MAP2K5: variants seen among roughly 807,000 people sequenced by gnomAD.
MAP2K5 encodes dual specificity mitogen-activated protein kinase kinase 5.
A neutral mutation model predicts 83.1 loss-of-function variants in MAP2K5; 49 were observed. That is an observed-to-expected ratio of 0.59 (90% CI 0.47 to 0.75). The LOEUF is 0.75. Ranked by LOEUF, MAP2K5 falls within the 30% of genes least tolerant of loss-of-function variation. MAP2K5 has a pLI of 0.00. For missense variants in MAP2K5, 457 were observed against 557.5 expected (o/e 0.82, Z 1.82); for synonymous variants, 202 against 191.8 (o/e 1.05, Z -0.44).
intron 13 of MAP2K5, among the ~76,000 whole-genome samples, chr15:67,678,877 T>G (rs566463746): frequency 6.6e-6 from 1 of 151,102 alleles, no homozygotes; most frequent in African/African-American, 2.4e-5. Context: ...GGCAGGAGAA[T>G]TGCTTGCACC....
rs1013857938 is a variant in MAP2K5, at chr15:67,790,143, G to A, written c.1243-16503G>A. 4.6e-5 allele frequency among the ~76,000 whole-genome samples: 7 copies of A among 152,170 alleles called. No individual in the cohort carries two copies. The highest frequency in any genetic ancestry group is 1.7e-4 in the African/African-American group (7 of 41,440). On this transcript the variant is annotated intron_variant, in intron 21 of 21. Coordinates refer to ENST00000178640, the MANE Select transcript of MAP2K5 (RefSeq NM_145160.3). This position sits in a 1 kb window ranked among gnomAD's most constrained non-coding sequence, Gnocchi z 4.6. ...GCAGGCTTGGAAATTGCAAGGCAGA[G>A]CTGGATTGAACTTCCTTTAAAGCAG... is the stretch of plus-strand genomic sequence containing the variant.
chr15:67,748,016 A>G lies in MAP2K5; in HGVS notation c.1075-215A>G, dbSNP rs1369823711. Among the ~76,000 whole-genome samples the G allele has an allele frequency of 1.3e-5, 2 of 152,214 alleles. No individual in the cohort carries two copies. The highest frequency in any genetic ancestry group is 4.8e-5 in the African/African-American group (2 of 41,444). On this transcript the variant is annotated intron_variant, in intron 17 of 21. Coordinates refer to ENST00000178640, the MANE Select transcript of MAP2K5 (RefSeq NM_145160.3). This position sits in a 1 kb window ranked among gnomAD's most constrained non-coding sequence, Gnocchi z 4.0. Reference sequence around the variant, plus strand: ...CCTATTCTAATACAACCTGGAGGGTACTAAAAAGTGTTGTGTGAAATTAAC... The same window carrying G: ...CCTATTCTAATACAACCTGGAGGGTGCTAAAAAGTGTTGTGTGAAATTAAC...
At chr15:67,590,480 T>C (rs2085382265) in intron 6 of MAP2K5, among the ~76,000 whole-genome samples, 1 of 144,016 alleles carries the variant, frequency 6.9e-6, no homozygotes, top group Non-Finnish European at 1.5e-5. Context: ...TCTCTCTTTG[T>C]TTCTTTTTGA....
chr15:67,628,088 CG>C (rs2086368603), intron 8 of MAP2K5: 3 of 753,114 alleles, frequency 4.0e-6, no homozygotes, highest in African/African-American at 1.7e-5. Flanking sequence ...GCAAGGTGGA[CG>C]GAAGAGCTGT....
In MAP2K5 at chr15:67,801,449, A is replaced by G. The variant is rs1312407748; in HGVS notation, c.1243-5197A>G. ...GAGGATGTGCTTGGTGCTCACCCTG[A>G]GGCAGAGCAGTCCTGTGGTCCAGAG... On this transcript the variant is annotated intron_variant, in intron 21 of 21. Coordinates refer to ENST00000178640, the MANE Select transcript of MAP2K5 (RefSeq NM_145160.3). The surrounding 1 kb of genome is among the most constrained non-coding windows in gnomAD (Gnocchi z 4.8). 3.3e-5 allele frequency among the ~76,000 whole-genome samples: 5 copies of G among 152,178 alleles called. No homozygotes were observed. The East Asian group carries it at 9.6e-4, about 29-fold the overall frequency.
At chr15:67,771,250 AC>A (rs1286312646) in intron 20 of MAP2K5, among the ~76,000 whole-genome samples, 1 of 151,758 alleles carries the variant, frequency 6.6e-6, no homozygotes, top group Non-Finnish European at 1.5e-5. Flanking sequence ...TGAAACACAA[AC>A]CATGCGATTC....
chr15:67,704,179 G>A (rs1367907955), intron 16 of MAP2K5, among the ~76,000 whole-genome samples: 2 of 152,154 alleles, frequency 1.3e-5, no homozygotes, highest in African/African-American at 2.4e-5. Context: ...AATTATGGTA[G>A]TATAGAACCT....
chr15:67,709,080 T>C (rs553871015), intron 16 of MAP2K5, among the ~76,000 whole-genome samples: 35 of 152,330 alleles, frequency 2.3e-4, no homozygotes, highest in African/African-American at 7.7e-4. Flanking sequence ...GGGAAGAATT[T>C]GGCCTGTTTC....
Position 67,609,358 on chromosome 15 carries a change from A to G in MAP2K5, c.545+8609A>G, listed in dbSNP as rs149514847. Among the ~76,000 whole-genome samples, 8 of 151,974 alleles carry G rather than the reference A, an allele frequency of 5.3e-5. No homozygotes were observed. The East Asian group carries it at 1.6e-3, about 30-fold the overall frequency. ...GGGGCAAACAATAATCAAGACAATAAACACTGAAGTAAGATTATAGAATCT... is the reference window on the plus strand; with the variant it reads ...GGGGCAAACAATAATCAAGACAATAGACACTGAAGTAAGATTATAGAATCT... On this transcript the variant is annotated intron_variant, in intron 8 of 21. Transcript: ENST00000178640.
At position 67,708,217 on chromosome 15, in the gene MAP2K5, G is replaced by T. The variant is rs1236717430; in HGVS notation, c.1044+4809G>T. The stretch of plus-strand genomic sequence containing the variant: ...GTGTGCCTATAGTCCTTGCTATGTG[G>T]CAGGCTGAGGCAGGAAAATTGCTAG... On this transcript the variant is annotated intron_variant, in intron 16 of 21. Coordinates refer to ENST00000178640, the MANE Select transcript of MAP2K5 (RefSeq NM_145160.3). This position sits in a 1 kb window ranked among gnomAD's most constrained non-coding sequence, Gnocchi z 4.9. 6.6e-6 allele frequency among the ~76,000 whole-genome samples: 1 copy of T among 151,802 alleles called. No individual in the cohort carries two copies. The highest frequency in any genetic ancestry group is 1.5e-5 in the Non-Finnish European group (1 of 67,956).
At chr15:67,753,488 A>G (rs1247185907) in intron 19 of MAP2K5, among the ~76,000 whole-genome samples, 1 of 152,190 alleles carries the variant, frequency 6.6e-6, no homozygotes, top group East Asian at 1.9e-4. Flanking sequence ...TTACAACTCA[A>G]TGATAAATAA....
intron 2 of MAP2K5, among the ~76,000 whole-genome samples, chr15:67,553,559 T>C (rs2084555716): frequency 6.6e-6 from 1 of 152,250 alleles, no homozygotes; most frequent in Non-Finnish European, 1.5e-5. Context: ...TTCATGATTA[T>C]TTTGTGGTGA....
intron 19 of MAP2K5, among the ~76,000 whole-genome samples, chr15:67,756,551 G>T: frequency 1.4e-5 from 1 of 72,092 alleles, no homozygotes. Context: ...GTGTGTGTGT[G>T]TGTGTGTGTG....
In MAP2K5 at chr15:67,781,981, T is replaced by C. The variant is rs562851852; in HGVS notation, c.1242+9229T>C. Among the ~76,000 whole-genome samples the C allele has an allele frequency of 3.2e-3, 480 of 152,354 alleles. 3 individuals carry two copies. The highest frequency in any genetic ancestry group is 0.011 in the African/African-American group (455 of 41,574). ...TTCATGGTGATTGACAGCATTTGAT[T>C]ATGACAGTAACTTTATTTGGCTGGA... On this transcript the variant is annotated intron_variant, in intron 21 of 21. Transcript: ENST00000178640. The surrounding 1 kb of genome is among the most constrained non-coding windows in gnomAD (Gnocchi z 4.0).
At position 67,746,701 on chromosome 15, in the gene MAP2K5, A is replaced by G. The variant is rs1318347110; in HGVS notation, c.1075-1530A>G. ...TTCAGGACAACATCAAGCAGGGACT[A>G]TCAACATAGACTAAGCCAGTCAACC... On this transcript the variant is annotated intron_variant, in intron 17 of 21. Coordinates refer to ENST00000178640, the MANE Select transcript of MAP2K5 (RefSeq NM_145160.3). The surrounding 1 kb of genome is among the most constrained non-coding windows in gnomAD (Gnocchi z 4.1). Among the ~76,000 whole-genome samples, 1 of 152,226 alleles carries G rather than the reference A, an allele frequency of 6.6e-6. No homozygotes were observed. The highest frequency in any genetic ancestry group is 1.5e-5 in the Non-Finnish European group (1 of 68,052).
intron 8 of MAP2K5, among the ~76,000 whole-genome samples, chr15:67,617,811 G>A (rs1231925405): frequency 6.6e-6 from 1 of 151,956 alleles, no homozygotes. Flanking sequence ...CTCACCTCAC[G>A]TCCCAAGTAG....
chr15:67,726,565 C>T (rs1049500612), intron 16 of MAP2K5, among the ~76,000 whole-genome samples: 3 of 152,194 alleles, frequency 2.0e-5, no homozygotes, highest in East Asian at 1.9e-4. Context: ...TGAGCAGTGT[C>T]AGTGTCTTTG....
At chr15:67,605,145 C>T (rs1267972352) in intron 8 of MAP2K5, among the ~76,000 whole-genome samples, 3 of 151,280 alleles carry the variant, frequency 2.0e-5, no homozygotes, top group African/African-American at 7.3e-5. Flanking sequence ...CTCTGCCTCC[C>T]GGGTTCAAGT....
chr15:67,582,055 A>ATTTTTTTTTTTTTTTTTTTTTTTTTTTTT, intron 4 of MAP2K5, among the ~76,000 whole-genome samples: 1 of 134,866 alleles, frequency 7.4e-6, no homozygotes, highest in Non-Finnish European at 1.6e-5. Flanking sequence ...GATGTAGATG[A>ATTTTTTTTTTTTTTTTTTTTTTTTTTTTT]TTTCTTTTTT....
Sources: gnomAD v4.1 joint callset for allele counts (sites outside exome capture counted in the v4.1 genomes callset) on GRCh38, gnomAD v4.1.1 for gene constraint, Gnocchi (gnomAD v3.1) non-coding constraint, MANE v1.5 for transcripts, NCBI Gene and HGNC (gene_info 2026-07-23, HGNC 2026-07-21) for gene names.